The following RABGEF1 variants were observed in gnomAD, a reference collection of about 807,000 sequenced individuals.
RABGEF1 encodes RAB guanine nucleotide exchange factor 1.
In RABGEF1, 26 loss-of-function variants were observed where a neutral mutation model predicts 57.3. That is an observed-to-expected ratio of 0.45 (90% CI 0.33 to 0.63). RABGEF1 has a LOEUF of 0.63. RABGEF1 is among the 20% of genes least tolerant of loss of function. The pLI is 0.02. For synonymous variants in RABGEF1, 185 were observed against 210.7 expected (o/e 0.88, Z 1.06); for missense variants, 464 against 607.6 (o/e 0.76, Z 2.48).
At chr7:66,779,587 A>T (rs1179213146) in intron 3 of RABGEF1, among the ~76,000 whole-genome samples, 1 of 150,964 alleles carries the variant, frequency 6.6e-6, no homozygotes, top group Admixed American at 6.6e-5. Context: ...TGGGAGGATC[A>T]TTTGTGCCTG....
intron 1 of RABGEF1, among the ~76,000 whole-genome samples, chr7:66,709,210 T>C (rs1261349481): frequency 3.3e-5 from 5 of 152,068 alleles, no homozygotes; most frequent in Non-Finnish European, 7.4e-5. Context: ...AGTTTCACCA[T>C]GTTGTTCAGG....
intron 6 of RABGEF1, among the ~76,000 whole-genome samples, chr7:66,798,782 G>A (rs1266071290): frequency 6.6e-6 from 1 of 152,148 alleles, no homozygotes; most frequent in African/African-American, 2.4e-5. Context: ...TGGCCAGCAG[G>A]GTGAAACCCT....
intron 1 of RABGEF1, among the ~76,000 whole-genome samples, chr7:66,699,870 AAAATG>A (rs1474871281): frequency 5.3e-5 from 8 of 152,194 alleles, no homozygotes; most frequent in African/African-American, 1.9e-4. Flanking sequence ...AAATAAAAAT[AAAATG>A]GGAATGATAG....
At chr7:66,726,920 C>A (rs1281884611) in intron 2 of RABGEF1, among the ~76,000 whole-genome samples, 1 of 152,094 alleles carries the variant, frequency 6.6e-6, no homozygotes, top group Non-Finnish European at 1.5e-5. Flanking sequence ...AGGAGAATCG[C>A]CTGAACCCAG....
At chr7:66,671,909 G>A in the RABGEF1 span, among the ~76,000 whole-genome samples, 3 of 148,398 alleles carry the variant, frequency 2.0e-5, no homozygotes, top group African/African-American at 5.0e-5. Context: ...CTTGACCTCC[G>A]AGGTGCAAGC....
At chr7:66,675,019 A>G in the RABGEF1 span, among the ~76,000 whole-genome samples, 6 of 152,148 alleles carry the variant, frequency 3.9e-5, no homozygotes, top group Non-Finnish European at 8.8e-5. Flanking sequence ...ACCTAATATT[A>G]TACCTAATAA....
intron 4 of RABGEF1, among the ~76,000 whole-genome samples, chr7:66,793,544 T>C (rs1335625764): frequency 2.0e-5 from 3 of 152,206 alleles, no homozygotes; most frequent in Non-Finnish European, 4.4e-5. Context: ...GAATATAGTT[T>C]CTTCTAAGTT....
chr7:66,765,935 C>T (rs1206649974), intron 1 of RABGEF1, among the ~76,000 whole-genome samples: 1 of 152,086 alleles, frequency 6.6e-6, no homozygotes, highest in Non-Finnish European at 1.5e-5. Context: ...TTGAGTAGTA[C>T]TATCATACTT....
chr7:66,666,183 T>G, the RABGEF1 span: 1 of 152,296 alleles, frequency 6.6e-6, no homozygotes, highest in East Asian at 1.9e-4. Context: ...GAAGCTGGGA[T>G]GAAGGAGCCT....
the RABGEF1 span, among the ~76,000 whole-genome samples, chr7:66,668,547 A>AG: frequency 1.3e-5 from 2 of 151,954 alleles, no homozygotes; most frequent in African/African-American, 2.4e-5. Context: ...CCCTCTGGAG[A>AG]GGGGGGGATT....
At chr7:66,705,281 C>T (rs1393230047) in intron 1 of RABGEF1, among the ~76,000 whole-genome samples, 1 of 151,794 alleles carries the variant, frequency 6.6e-6, no homozygotes, top group African/African-American at 2.4e-5. Context: ...GCATGCCTGT[C>T]CCAAAAATGA....
intron 2 of RABGEF1, among the ~76,000 whole-genome samples, chr7:66,735,651 G>A (rs71563133): frequency 6.6e-6 from 1 of 152,128 alleles, no homozygotes; most frequent in African/African-American, 2.4e-5. Flanking sequence ...GTTATTGTGA[G>A]ATCTGGTGGT....
At chr7:66,807,034 C>G (rs532012124) in intron 8 of RABGEF1, among the ~76,000 whole-genome samples, 1 of 152,126 alleles carries the variant, frequency 6.6e-6, no homozygotes, top group South Asian at 2.1e-4. Context: ...GTCAGACAAC[C>G]TGGAAGTCCC....
At chr7:66,744,456 C>T (rs1333990180) in intron 1 of RABGEF1, among the ~76,000 whole-genome samples, 2 of 151,736 alleles carry the variant, frequency 1.3e-5, no homozygotes, top group Non-Finnish European at 2.9e-5. Context: ...ATCACGAGGT[C>T]AGGAGATCAA....
At chr7:66,675,907 A>G in the RABGEF1 span, among the ~76,000 whole-genome samples, 13 of 152,210 alleles carry the variant, frequency 8.5e-5, no homozygotes, top group Non-Finnish European at 2.9e-5. Flanking sequence ...ACTGCAAACC[A>G]TTGCTGAAAG....
rs1204924080 is a variant in RABGEF1 at position 66,740,821 on chromosome 7, G to A, written c.-18+29G>A. 3 of 152,392 alleles carry A rather than the reference G, an allele frequency of 2.0e-5. No homozygotes were observed. The East Asian group carries it at 5.8e-4, about 30-fold the overall frequency. The allele number at this position is 152,392 out of a possible 1,614,324, so 9.4% of individuals were successfully genotyped here. A position where few individuals can be genotyped will look rare whatever the true frequency, so the allele number is the denominator to read the frequency against. ...CGGAGCGGACGGACTGGGGCTGAGA[G>A]CTGCTCGGCTCTCAGCTACAGGAGC... On this transcript the variant is annotated intron_variant, in intron 1 of 8. Coordinates refer to ENST00000284957, the MANE Select transcript of RABGEF1 (RefSeq NM_014504.3).
At chr7:66,745,995 T>A (rs747879300) in intron 1 of RABGEF1, among the ~76,000 whole-genome samples, 1 of 152,128 alleles carries the variant, frequency 6.6e-6, no homozygotes, top group Non-Finnish European at 1.5e-5. Flanking sequence ...GCCAAACATC[T>A]TGAAAATCTT....
the RABGEF1 span, among the ~76,000 whole-genome samples, chr7:66,668,223 G>A: frequency 2.6e-5 from 4 of 152,112 alleles, no homozygotes; most frequent in Admixed American, 6.6e-5. Flanking sequence ...TCAGCCTACC[G>A]AGTAGCTGGG....
rs745679566 is a variant in RABGEF1, at chr7:66,692,427, T to C, written c.-873+10169T>C. On this transcript the variant is annotated intron_variant and NMD_transcript_variant, in intron 1 of 9. Transcript: ENST00000607882. Reference sequence around the variant, plus strand: ...ACCTCAGCGAGTGCATTGAGTGATATTGGTGTGAGGTGGGGGCAGCTGGGG... The same window carrying C: ...ACCTCAGCGAGTGCATTGAGTGATACTGGTGTGAGGTGGGGGCAGCTGGGG... 6.6e-4 allele frequency among the ~76,000 whole-genome samples: 101 copies of C among 152,184 alleles called. 2 individuals carry two copies. The highest frequency in any genetic ancestry group is 5.7e-4 in the Non-Finnish European group (39 of 68,032).
Sources: allele counts gnomAD v4.1 joint callset (sites outside exome capture counted in the v4.1 genomes callset), GRCh38; gene constraint gnomAD v4.1.1; transcripts MANE v1.5; gene names NCBI Gene and HGNC (gene_info 2026-07-23, HGNC 2026-07-21).